The following ARL17A variants were observed in gnomAD, a reference collection of about 807,000 sequenced individuals.
The protein encoded by ARL17A is ADP-ribosylation factor-like 17-like.
At chr17:46,549,131 G>C (rs369457268), downstream of ARL17A, 13 of 1,611,486 alleles carry the variant, frequency 8.1e-6, no homozygotes, top group African/African-American at 5.5e-5. Flanking sequence ...AGAAAGAAAA[G>C]TTATCTGAGT....
At chr17:46,550,371 T>G (rs2145816982), downstream of ARL17A, 1 of 678,638 alleles carries the variant, frequency 1.5e-6, no homozygotes, top group South Asian at 2.2e-5. Context: ...TTTTGAATAG[T>G]TAGCTCTCAT....
chr17:46,544,622 A>C (rs1366805029), intron 3 of ARL17A, among the ~76,000 whole-genome samples: 1 of 59,484 alleles, frequency 1.7e-5, no homozygotes, highest in Non-Finnish European at 2.8e-5. Context: ...AGCAGAGCTG[A>C]GATTGAAGCA....
chr17:46,526,438 A>T (rs1486035589), downstream of ARL17A, among the ~76,000 whole-genome samples: 2 of 103,310 alleles, frequency 1.9e-5, no homozygotes, highest in Middle Eastern at 0.011. Flanking sequence ...AATAGAGCCT[A>T]ACCTTCCAGG....
intron 3 of ARL17A, among the ~76,000 whole-genome samples, chr17:46,539,214 A>G (rs1290293296): frequency 1.4e-5 from 1 of 72,780 alleles, no homozygotes; most frequent in Non-Finnish European, 3.6e-5. Flanking sequence ...CCATCTCAGA[A>G]AAAAAAAAAA....
chr17:46,500,811 A>T, the ARL17A span, among the ~76,000 whole-genome samples: 1 of 151,130 alleles, frequency 6.6e-6, no homozygotes, highest in Non-Finnish European at 1.5e-5. Flanking sequence ...CTTAGGGGAA[A>T]TAACCTATCA....
At chr17:46,543,569 G>A (rs2055804845) in intron 3 of ARL17A, among the ~76,000 whole-genome samples, 1 of 150,866 alleles carries the variant, frequency 6.6e-6, no homozygotes, top group African/African-American at 2.5e-5. Context: ...GTCAGAGAAT[G>A]CCTTGGTTCT....
intron 4 of ARL17A, among the ~76,000 whole-genome samples, chr17:46,531,986 G>A (rs950961451): frequency 1.4e-5 from 2 of 147,978 alleles, no homozygotes; most frequent in African/African-American, 5.2e-5. Context: ...TCTTATAATC[G>A]TGTGAGATGT....
intron 3 of ARL17A, among the ~76,000 whole-genome samples, chr17:46,542,632 T>C (rs1176903919): frequency 1.3e-5 from 2 of 150,104 alleles, no homozygotes; most frequent in Non-Finnish European, 2.9e-5. Flanking sequence ...GAGGTGGAGG[T>C]TGCAGTGAGC....
downstream of ARL17A, among the ~76,000 whole-genome samples, chr17:46,551,838 GATTA>G (rs1392164112): frequency 9.1e-5 from 11 of 121,238 alleles, no homozygotes; most frequent in Middle Eastern, 4.0e-3. Flanking sequence ...TAAATTTGTA[GATTA>G]ATTTGAGAAT....
At chr17:46,532,049 A>G (rs1456541489) in intron 4 of ARL17A, among the ~76,000 whole-genome samples, 1 of 150,174 alleles carries the variant, frequency 6.7e-6, no homozygotes, top group Admixed American at 6.6e-5. Flanking sequence ...ACGCCATTAC[A>G]CTCAAGCCTG....
At chr17:46,502,690 A>G in the ARL17A span, among the ~76,000 whole-genome samples, 1 of 151,324 alleles carries the variant, frequency 6.6e-6, no homozygotes, top group Non-Finnish European at 1.5e-5. Context: ...ATGTTTTAAA[A>G]TCAAGGAAAG....
chr17:46,542,625 G>A (rs954112818), intron 3 of ARL17A, among the ~76,000 whole-genome samples: 2 of 150,332 alleles, frequency 1.3e-5, no homozygotes, highest in African/African-American at 2.5e-5. Context: ...AACCCAGGAG[G>A]TGGAGGTTGC....
At chr17:46,542,351 A>C (rs1376994180) in intron 3 of ARL17A, among the ~76,000 whole-genome samples, 1 of 149,086 alleles carries the variant, frequency 6.7e-6, no homozygotes, top group African/African-American at 2.6e-5. Flanking sequence ...GTTAATTTGC[A>C]TATGTGATGT....
intron 2 of ARL17A, among the ~76,000 whole-genome samples, chr17:46,575,027 C>T (rs2057748827): frequency 2.6e-5 from 2 of 76,100 alleles, no homozygotes; most frequent in African/African-American, 4.2e-5. Context: ...ACCCAGGAGG[C>T]GGAGGTTGTA....
chr17:46,522,635 AG>A (rs2052432214), intron 3 of ARL17A, among the ~76,000 whole-genome samples: 2 of 65,636 alleles, frequency 3.0e-5, no homozygotes, highest in East Asian at 5.4e-4. Flanking sequence ...TTGTAGAGAC[AG>A]GGTTTCACCG....
intron 3 of ARL17A, among the ~76,000 whole-genome samples, chr17:46,539,906 T>G (rs1187513299): frequency 6.8e-6 from 1 of 146,990 alleles, no homozygotes; most frequent in East Asian, 2.0e-4. Context: ...GTTTTTGACC[T>G]GAAAAGTTCT....
chr17:46,520,968 C>G (rs1425069495), intron 3 of ARL17A, among the ~76,000 whole-genome samples: 1 of 81,380 alleles, frequency 1.2e-5, no homozygotes, highest in African/African-American at 3.6e-5. Flanking sequence ...GAATATTAAG[C>G]TACCAAGAGA....
At chr17:46,558,193 G>A (rs1457694525) in intron 3 of ARL17A, among the ~76,000 whole-genome samples, 1 of 105,804 alleles carries the variant, frequency 9.5e-6, no homozygotes, top group African/African-American at 4.3e-5. Context: ...CCTAGTAGCT[G>A]GGGTTACAGG....
intron 3 of ARL17A, among the ~76,000 whole-genome samples, chr17:46,547,028 C>T (rs1360836090): frequency 1.4e-4 from 1 of 6,902 alleles, no homozygotes; most frequent in African/African-American, 1.2e-3. Context: ...TTAGCATCAA[C>T]TTCATGACTT....
Sources: allele counts gnomAD v4.1 joint callset (sites outside exome capture counted in the v4.1 genomes callset), GRCh38; gene constraint gnomAD v4.1.1; transcripts MANE v1.5; gene names NCBI Gene and HGNC (gene_info 2026-07-23, HGNC 2026-07-21).